The following APP variants were observed in gnomAD, a reference collection of about 807,000 sequenced individuals.
APP encodes amyloid-beta precursor protein.
Under a neutral mutation model 101.4 loss-of-function variants are expected in APP, and 31 were observed. The ratio of observed to expected loss-of-function variants is 0.31; its 90% CI spans 0.23 to 0.41. APP has a LOEUF of 0.41. Among genes scored for constraint, APP ranks in the 10% least tolerant of loss-of-function variants. APP has a pLI of 1.00. For synonymous variants in APP, 366 were observed against 364.4 expected (o/e 1.00, Z -0.05); for missense variants, 839 against 1,003.7 (o/e 0.84, Z 2.22).
intron 13 of APP, among the ~76,000 whole-genome samples, chr21:25,939,947 T>C (rs2040506157): frequency 6.6e-6 from 1 of 152,142 alleles, no homozygotes; most frequent in Admixed American, 6.5e-5. Context: ...CAGAATTATA[T>C]AGGAATTAAG....
At position 26,112,140 on chromosome 21, in the gene APP, T is replaced by C. The variant is rs761648158; in HGVS notation, c.64A>G (p.Thr22Ala). 1.2e-6 allele frequency: 2 copies of C among 1,613,922 alleles called. No individual in the cohort carries two copies. The highest frequency in any genetic ancestry group is 1.7e-4 in the Middle Eastern group (1 of 5,962). ...GCCAGCAGGCCAGCATTACCATCAG[T>C]GGGTACCTGAAAGAAGAAGCTTCAG... ...AWTARALEVP[T>A]DGNAGLLAEP... The change falls in exon 2 of 18, where the codon ACT (threonine) becomes GCT (alanine). Residue 22 changes from threonine to alanine, a missense_variant. Physicochemically the swap from Thr to Ala is moderately conservative, Grantham distance 58. Coordinates refer to ENST00000346798, the MANE Select transcript of APP (RefSeq NM_000484.4).
rs140604327 is a variant in APP, at chr21:26,006,520, A to C, written c.866-6338T>G. Reference sequence around the variant, plus strand: ...TCAACGCTACATTCCATTTTCTAAAAATCAGTATAACACAAAATAATACAG... The same window carrying C: ...TCAACGCTACATTCCATTTTCTAAACATCAGTATAACACAAAATAATACAG... On this transcript the variant is annotated intron_variant, in intron 6 of 17. Coordinates refer to ENST00000346798, the MANE Select transcript of APP (RefSeq NM_000484.4). Among the ~76,000 whole-genome samples the C allele has an allele frequency of 1.3e-4, 20 of 152,330 alleles. No homozygotes were observed. In the East Asian group the frequency reaches 3.7e-3, roughly 28 times the overall value.
intron 2 of APP, among the ~76,000 whole-genome samples, chr21:26,098,202 A>G (rs2061988865): frequency 6.7e-6 from 1 of 148,364 alleles, no homozygotes; most frequent in Admixed American, 6.7e-5. Flanking sequence ...TATAATAATT[A>G]TTATTAATAT....
chr21:25,983,151 T>G (rs932590499), intron 8 of APP, among the ~76,000 whole-genome samples: 9 of 152,268 alleles, frequency 5.9e-5, no homozygotes, highest in Non-Finnish European at 2.9e-5. Context: ...CAACTAATAC[T>G]GCTAAGCAAT....
intron 8 of APP, among the ~76,000 whole-genome samples, chr21:25,996,479 T>C (rs1476142253): frequency 1.3e-5 from 2 of 152,264 alleles, no homozygotes; most frequent in African/African-American, 2.4e-5. Context: ...TGTTAAATCA[T>C]GGCATCTTGA....
chr21:26,168,410 C>T (rs1285349022), intron 1 of APP, among the ~76,000 whole-genome samples: 2 of 152,162 alleles, frequency 1.3e-5, no homozygotes, highest in African/African-American at 4.8e-5. Context: ...ACCAACACTT[C>T]GCAAAATGGC....
At chr21:26,040,987 G>A (rs981851111) in intron 5 of APP, among the ~76,000 whole-genome samples, 6 of 152,036 alleles carry the variant, frequency 3.9e-5, no homozygotes, top group African/African-American at 1.4e-4. Flanking sequence ...AAACAGGGAG[G>A]GCAAAAAAGG....
chr21:26,026,513 G>A (rs1282583361), intron 5 of APP, among the ~76,000 whole-genome samples: 1 of 151,940 alleles, frequency 6.6e-6, no homozygotes, highest in African/African-American at 2.4e-5. Context: ...CCACATGCAG[G>A]TGCCGCCTGA....
chr21:25,899,953 CCT>C (rs968234028), intron 15 of APP, among the ~76,000 whole-genome samples: 2 of 152,088 alleles, frequency 1.3e-5, no homozygotes, highest in Admixed American at 1.3e-4. Flanking sequence ...TAACTCTGGT[CCT>C]CTCAATGACC....
intron 1 of APP, among the ~76,000 whole-genome samples, chr21:26,132,913 C>A (rs1197654364): frequency 6.6e-6 from 1 of 152,110 alleles, no homozygotes; most frequent in African/African-American, 2.4e-5. Flanking sequence ...ATTTATACTT[C>A]ATTTCTGAAA....
chr21:26,127,324 T>C (rs1373879924), intron 1 of APP, among the ~76,000 whole-genome samples: 4 of 152,294 alleles, frequency 2.6e-5, no homozygotes, highest in African/African-American at 9.6e-5. Context: ...GTAAAGACTT[T>C]CAAATTCTAG....
At chr21:25,917,982 A>G (rs1430410504) in intron 13 of APP, among the ~76,000 whole-genome samples, 2 of 152,090 alleles carry the variant, frequency 1.3e-5, no homozygotes, top group African/African-American at 4.8e-5. Flanking sequence ...CCACAATGAG[A>G]TACCATCTCA....
chr21:25,994,301 C>T (rs949717888), intron 8 of APP, among the ~76,000 whole-genome samples: 30 of 151,854 alleles, frequency 2.0e-4, no homozygotes, highest in Non-Finnish European at 2.9e-5. Context: ...ACTCAGCTCT[C>T]GTAAGATTCT....
intron 13 of APP, among the ~76,000 whole-genome samples, chr21:25,926,484 T>G (rs974188944): frequency 1.3e-5 from 2 of 152,324 alleles, no homozygotes; most frequent in African/African-American, 4.8e-5. Context: ...TTCATAACCA[T>G]GAGAACTGCA....
intron 2 of APP, 90 bp from the exon 3 acceptor site, chr21:26,090,162 G>A (rs1414169490): frequency 6.3e-7 from 1 of 1,576,800 alleles, no homozygotes; most frequent in African/African-American, 1.3e-5. Flanking sequence ...TAAGGTACAG[G>A]TGGAGTGTCC....
intron 1 of APP, among the ~76,000 whole-genome samples, chr21:26,141,315 G>T (rs1394830913): frequency 6.6e-6 from 1 of 152,142 alleles, no homozygotes; most frequent in Non-Finnish European, 1.5e-5. Flanking sequence ...ACACCCTGAT[G>T]ATGTATTTTA....
chr21:25,914,707 C>G (rs1350558909), intron 13 of APP, among the ~76,000 whole-genome samples: 1 of 152,100 alleles, frequency 6.6e-6, no homozygotes. Context: ...GCGCCCGCCA[C>G]CACGCCCGGC....
chr21:25,886,982 C>G (rs1052102850), intron 17 of APP, among the ~76,000 whole-genome samples: 10 of 147,758 alleles, frequency 6.8e-5, no homozygotes, highest in African/African-American at 2.5e-4. Context: ...CCATAAAAGC[C>G]AAATAAAAGG....
intron 6 of APP, among the ~76,000 whole-genome samples, chr21:26,007,413 TAAA>T (rs930228746): frequency 6.8e-6 from 1 of 147,454 alleles, no homozygotes; most frequent in Non-Finnish European, 1.5e-5. Context: ...TTATAATTTA[TAAA>T]TATAATTTAT....
Sources: gnomAD v4.1 joint callset for allele counts (sites outside exome capture counted in the v4.1 genomes callset) on GRCh38, gnomAD v4.1.1 for gene constraint, MANE v1.5 for transcripts, NCBI Gene and HGNC (gene_info 2026-07-23, HGNC 2026-07-21) for gene names.